Variants in PSD3 observed in about 807,000 individuals in gnomAD.
PSD3 encodes the protein PH and SEC7 domain-containing protein 3.
PSD3 carries 49 observed loss-of-function variants against 105.5 expected under a neutral mutation model. The observed-to-expected ratio is 0.46, with a 90% CI of 0.37 to 0.59. The LOEUF (loss-of-function observed/expected upper bound fraction) is 0.59, where lower values mean the gene tolerates loss of function less well. Ranked by LOEUF, PSD3 falls within the 20% of genes least tolerant of loss-of-function variation. The probability of loss-of-function intolerance (pLI) is 0.00; values close to 1 mark genes in which losing one functional copy is unlikely to be tolerated. For missense variants in PSD3, 1,561 were observed against 1,263.8 expected (o/e 1.24, Z -3.57); for synonymous variants, 557 against 457.8 (o/e 1.22, Z -2.77).
intron 9 of PSD3, among the ~76,000 whole-genome samples, chr8:18,719,961 C>T (rs952184646): frequency 2.0e-5 from 3 of 152,114 alleles, no homozygotes; most frequent in Non-Finnish European, 2.9e-5. Flanking sequence ...GCGATATATG[C>T]ATCATATTTC....
intron 1 of PSD3, among the ~76,000 whole-genome samples, chr8:18,962,063 T>C (rs865948150): frequency 5.3e-5 from 8 of 152,246 alleles, no homozygotes; most frequent in Non-Finnish European, 8.8e-5. Flanking sequence ...CTGGCCAACA[T>C]GGTAAAATCC....
At chr8:18,567,450 GC>G (rs1269762191) in intron 14 of PSD3, among the ~76,000 whole-genome samples, 7 of 152,110 alleles carry the variant, frequency 4.6e-5, no homozygotes, top group Non-Finnish European at 8.8e-5. Context: ...GGAGATGTCT[GC>G]CAACATACCT....
At chr8:18,877,637 A>G (rs1586304429) in intron 2 of PSD3, among the ~76,000 whole-genome samples, 1 of 149,670 alleles carries the variant, frequency 6.7e-6, no homozygotes, top group East Asian at 2.0e-4. Context: ...GACCTCCTGG[A>G]CTCAAGCGAT....
intron 1 of PSD3, among the ~76,000 whole-genome samples, chr8:19,028,487 C>A (rs915877534): frequency 3.3e-5 from 5 of 151,928 alleles, no homozygotes; most frequent in African/African-American, 1.2e-4. Flanking sequence ...TCCCGAAGCG[C>A]TGGGATTATG....
intron 1 of PSD3, among the ~76,000 whole-genome samples, chr8:18,976,309 T>C (rs1298211424): frequency 6.6e-6 from 1 of 152,202 alleles, no homozygotes; most frequent in Non-Finnish European, 1.5e-5. Flanking sequence ...TTGTATAACC[T>C]TATTATTAAA....
At chr8:18,972,249 T>A (rs1389025717) in intron 1 of PSD3, among the ~76,000 whole-genome samples, 1 of 152,186 alleles carries the variant, frequency 6.6e-6, no homozygotes, top group Non-Finnish European at 1.5e-5. Flanking sequence ...ATTTGTCTAA[T>A]TTCCACTTGT....
intron 4 of PSD3, among the ~76,000 whole-genome samples, chr8:18,822,768 G>A (rs1001953265): frequency 2.6e-5 from 4 of 152,082 alleles, no homozygotes; most frequent in African/African-American, 7.2e-5. Flanking sequence ...AATTCACCAC[G>A]GAAAAGTCAT....
At chr8:18,843,319 C>A (rs568923810) in intron 4 of PSD3, among the ~76,000 whole-genome samples, 1 of 140,244 alleles carries the variant, frequency 7.1e-6, no homozygotes, top group Non-Finnish European at 1.5e-5. Context: ...CGAGATCGCA[C>A]GAGACTCCGT....
intron 14 of PSD3, 114 bp from the exon 15 acceptor site, chr8:18,556,466 C>T (rs1021100426): frequency 5.8e-6 from 6 of 1,034,948 alleles, no homozygotes; most frequent in Non-Finnish European, 8.5e-6. Context: ...CTAAAACAGC[C>T]CAATGTGCCT....
intron 8 of PSD3, among the ~76,000 whole-genome samples, chr8:18,771,612 C>G (rs944855654): frequency 6.6e-6 from 1 of 152,166 alleles, no homozygotes; most frequent in African/African-American, 2.4e-5. Context: ...TTTCCCCCAC[C>G]AAATTGTTTT....
chr8:19,030,918 C>T lies in PSD3; in HGVS notation c.324+53288G>A, dbSNP rs146154700. On this transcript the variant is annotated intron_variant, in intron 1 of 1. Coordinates refer to the PSD3 transcript ENST00000521475. Reference sequence around the variant, plus strand: ...CCCTCTTCTTCAACTCATTTCTAAACGTAACTCCTTGCTATAGAAGATCAT... The same window carrying T: ...CCCTCTTCTTCAACTCATTTCTAAATGTAACTCCTTGCTATAGAAGATCAT... 5.4e-3 allele frequency among the ~76,000 whole-genome samples: 826 copies of T among 152,236 alleles called. 2 individuals carry two copies. The highest frequency in any genetic ancestry group is 9.6e-3 in the Non-Finnish European group (654 of 68,002).
At chr8:19,047,216 C>CT (rs1390984717) in intron 1 of PSD3, among the ~76,000 whole-genome samples, 1 of 152,152 alleles carries the variant, frequency 6.6e-6, no homozygotes, top group Non-Finnish European at 1.5e-5. Context: ...AAACGCACTC[C>CT]TGATTTGCAA....
At chr8:18,756,632 C>G (rs1488385282) in intron 9 of PSD3, among the ~76,000 whole-genome samples, 1 of 151,650 alleles carries the variant, frequency 6.6e-6, no homozygotes, top group Non-Finnish European at 1.5e-5. Context: ...TCTTTTTTGC[C>G]ACATAATATT....
chr8:18,637,033 T>C (rs1280755228), intron 10 of PSD3, among the ~76,000 whole-genome samples: 1 of 152,222 alleles, frequency 6.6e-6, no homozygotes, highest in Non-Finnish European at 1.5e-5. Context: ...CACTTGCTTA[T>C]CTGTACATCT....
intron 4 of PSD3, among the ~76,000 whole-genome samples, chr8:18,864,008 G>A (rs1816643547): frequency 6.6e-6 from 1 of 151,096 alleles, no homozygotes; most frequent in Non-Finnish European, 1.5e-5. Context: ...GTCATCCTGT[G>A]CTCAAAAAAA....
rs555760161 is a variant in PSD3, at chr8:18,844,467, T to C, written c.1634+23207A>G. Among the ~76,000 whole-genome samples the C allele has an allele frequency of 1.3e-4, 20 of 152,298 alleles. No individual in the cohort carries two copies. In the South Asian group the frequency reaches 2.7e-3, roughly 21 times the overall value. ...GGTCTTACATGGAAACAACTTAAAGTAGACTTTATCTTGACTAAACATGAT... is the reference window on the plus strand; with the variant it reads ...GGTCTTACATGGAAACAACTTAAAGCAGACTTTATCTTGACTAAACATGAT... On this transcript the variant is annotated intron_variant, in intron 4 of 15. Transcript: ENST00000327040.
intron 2 of PSD3, among the ~76,000 whole-genome samples, chr8:18,922,207 T>C (rs1162389859): frequency 6.6e-6 from 1 of 152,198 alleles, no homozygotes; most frequent in African/African-American, 2.4e-5. Context: ...TCAGGGATTC[T>C]GCAACATCTC....
At chr8:18,669,999 G>C (rs543870917) in intron 9 of PSD3, among the ~76,000 whole-genome samples, 2 of 152,184 alleles carry the variant, frequency 1.3e-5, no homozygotes, top group Non-Finnish European at 2.9e-5. Flanking sequence ...TTTGAGTGGG[G>C]TGGAAGCAGG....
intron 8 of PSD3, among the ~76,000 whole-genome samples, chr8:18,767,764 T>G (rs1807143372): frequency 6.6e-6 from 1 of 151,254 alleles, no homozygotes; most frequent in Non-Finnish European, 1.5e-5. Flanking sequence ...GATAAATAAA[T>G]AAAAAATAAA....
Sources: gnomAD v4.1 joint callset for allele counts (sites outside exome capture counted in the v4.1 genomes callset) on GRCh38, gnomAD v4.1.1 for gene constraint, MANE v1.5 for transcripts, NCBI Gene and HGNC (gene_info 2026-07-23, HGNC 2026-07-21) for gene names.